The following CEP164 variants were observed in gnomAD, a reference collection of about 807,000 sequenced individuals.
CEP164 encodes the protein centrosomal protein of 164 kDa.
In CEP164, 162 loss-of-function variants were observed where a neutral mutation model predicts 182.7. That is an observed-to-expected ratio of 0.89 (90% CI 0.78 to 1.01). The LOEUF (loss-of-function observed/expected upper bound fraction) is 1.01, where lower values mean the gene tolerates loss of function less well. Among genes scored for constraint, CEP164 ranks in the 50% least tolerant of loss-of-function variants. The pLI is 0.00. For synonymous variants in CEP164, 661 were observed against 690.0 expected, an observed-to-expected ratio of 0.96 and a Z score of 0.66; for missense variants, 1,735 against 1,790.4, an observed-to-expected ratio of 0.97 and a Z score of 0.56.
At chr11:117,356,046 G>A in intron 5 of CEP164, 1 of 1,125,118 alleles carries the variant, frequency 8.9e-7, no homozygotes, top group Non-Finnish European at 1.1e-6. Flanking sequence ...TCACACCTGG[G>A]CTCTCCTGTC....
At chr11:117,410,062 T>C in intron 30 of CEP164, 97 bp downstream of exon 30, 1 of 1,171,054 alleles carries the variant, frequency 8.5e-7, no homozygotes, top group East Asian at 2.5e-5. Context: ...TTTTCTCCTC[T>C]TCCTCTTTTG....
chr11:117,371,041 C>T (rs1459259672), intron 8 of CEP164, 39 bp from the exon 9 acceptor site: 1 of 1,528,790 alleles, frequency 6.5e-7, no homozygotes, highest in Admixed American at 2.1e-5. Flanking sequence ...TTGCACATTC[C>T]TTTTGTCTTC....
chr11:117,336,309 C>A, intron 2 of CEP164: 3 of 1,513,824 alleles, frequency 2.0e-6, no homozygotes, highest in South Asian at 1.1e-5. Context: ...TATTCTGCAT[C>A]TTCTTGTCCG....
At chr11:117,367,567 C>T in intron 8 of CEP164, among the ~76,000 whole-genome samples, 1 of 152,170 alleles carries the variant, frequency 6.6e-6, no homozygotes, top group East Asian at 1.9e-4. Context: ...GGTACATGTG[C>T]ACAACGTGCA....
At chr11:117,397,566 T>A (rs2045641582) in intron 27 of CEP164, among the ~76,000 whole-genome samples, 1 of 152,092 alleles carries the variant, frequency 6.6e-6, no homozygotes, top group South Asian at 2.1e-4. Context: ...TACCTGAAAC[T>A]GGGAAGAAAA....
intron 1 of CEP164, among the ~76,000 whole-genome samples, chr11:117,322,207 C>T (rs530043381): frequency 6.6e-6 from 1 of 152,174 alleles, no homozygotes; most frequent in Non-Finnish European, 1.5e-5. Context: ...CCTCCACCTC[C>T]CAGGTTCAAG....
chr11:117,358,360 C>T (rs1332411463), intron 5 of CEP164, among the ~76,000 whole-genome samples: 1 of 152,048 alleles, frequency 6.6e-6, no homozygotes, highest in Non-Finnish European at 1.5e-5. Flanking sequence ...CCCTCAAGCC[C>T]CCAGCATGTT....
At chr11:117,325,935 A>C (rs1006339705), upstream of CEP164, among the ~76,000 whole-genome samples, 3 of 95,530 alleles carry the variant, frequency 3.1e-5, no homozygotes, top group Non-Finnish European at 5.9e-5. Context: ...TTTGAGACGG[A>C]GTGTCGCTCT....
intron 30 of CEP164, 145 bp from the exon 31 acceptor site, chr11:117,410,683 A>G (rs1337446405): frequency 3.4e-6 from 2 of 586,790 alleles, no homozygotes; most frequent in East Asian, 2.8e-5. Flanking sequence ...TAAAATAAAT[A>G]GGACCATTCC....
chr11:117,396,193 C>A lies in CEP164; in HGVS notation c.3216+13C>A. The A allele has an allele frequency of 2.0e-6, 1 of 506,178 alleles. No individual in the cohort carries two copies. Among genetic ancestry groups the A allele is most frequent in the Non-Finnish European group, 4.0e-6 (1 of 249,394 alleles). The allele number at this position is 506,178 out of a possible 1,614,324, so 31.4% of individuals were successfully genotyped here. On this transcript the variant is annotated intron_variant, in intron 25 of 32. Coordinates refer to ENST00000278935, the MANE Select transcript of CEP164 (RefSeq NM_014956.5). ...ATCCCTTGGAACAGTGAGCTGGGGGCTGGGGCCTGGGGGCTGGGGCACCAG... is the reference window on the plus strand; with the variant it reads ...ATCCCTTGGAACAGTGAGCTGGGGGATGGGGCCTGGGGGCTGGGGCACCAG...
chr11:117,349,327 A>G (rs998321698), intron 4 of CEP164, among the ~76,000 whole-genome samples: 2 of 152,032 alleles, frequency 1.3e-5, no homozygotes, highest in African/African-American at 4.8e-5. Flanking sequence ...TTATCTATCA[A>G]TGGACATTTG....
intron 4 of CEP164, among the ~76,000 whole-genome samples, chr11:117,349,169 C>T (rs923651864): frequency 2.0e-5 from 3 of 152,036 alleles, no homozygotes; most frequent in African/African-American, 4.8e-5. Context: ...ATTACAGGCA[C>T]GTGCCACCAT....
At chr11:117,336,060 G>A (rs1428453598) in intron 2 of CEP164, among the ~76,000 whole-genome samples, 1 of 151,878 alleles carries the variant, frequency 6.6e-6, no homozygotes, top group African/African-American at 2.4e-5. Context: ...TCCATTCAGG[G>A]CTCAACAGCA....
intron 13 of CEP164, among the ~76,000 whole-genome samples, chr11:117,382,469 G>T (rs1365111149): frequency 6.6e-6 from 1 of 152,172 alleles, no homozygotes; most frequent in Non-Finnish European, 1.5e-5. Flanking sequence ...GCTGGTCTTA[G>T]AATTCATTGG....
At chr11:117,337,510 T>TAAAAAAA (rs55864956) in intron 2 of CEP164, among the ~76,000 whole-genome samples, 278 of 128,880 alleles carry the variant, frequency 2.2e-3, no homozygotes, top group African/African-American at 7.2e-3. Flanking sequence ...ACCATCTCTG[T>TAAAAAAA]AAAAAAAAAA....
At position 117,373,965 on chromosome 11, in the gene CEP164, G is replaced by A. The variant is rs1372547944; in HGVS notation, c.1233+134G>A. On this transcript the variant is annotated intron_variant, in intron 10 of 32. Transcript: ENST00000278935. ...CGAACTCATGCTTGAGTCTTGTCTA[G>A]CTCCAGTTTCTCAACCCATTAACTA... 4.4e-6 allele frequency: 3 copies of A among 675,028 alleles called. No individual in the cohort carries two copies. In the Admixed American group the frequency reaches 7.9e-5, roughly 18 times the overall value. The allele number at this position is 675,028 out of a possible 1,614,324, so 41.8% of individuals were successfully genotyped here.
chr11:117,374,957 G>T (rs1040281114), intron 10 of CEP164, among the ~76,000 whole-genome samples: 2 of 152,230 alleles, frequency 1.3e-5, no homozygotes, highest in South Asian at 2.1e-4. Context: ...GGGTGGGATC[G>T]TGGGCCTGTG....
chr11:117,356,689 AC>A (rs2040334444), intron 5 of CEP164: 1 of 1,196,618 alleles, frequency 8.4e-7, no homozygotes, highest in Admixed American at 3.1e-5. Context: ...TTGATGTCTT[AC>A]CACAGCCATC....
chr11:117,402,377 T>A (rs900580529), intron 27 of CEP164, among the ~76,000 whole-genome samples: 1 of 152,198 alleles, frequency 6.6e-6, no homozygotes, highest in Non-Finnish European at 1.5e-5. Flanking sequence ...TGTGCCACCA[T>A]GCCTGGTTAA....
Sources: gnomAD v4.1 joint callset for allele counts (sites outside exome capture counted in the v4.1 genomes callset) on GRCh38, gnomAD v4.1.1 for gene constraint, MANE v1.5 for transcripts, NCBI Gene and HGNC (gene_info 2026-07-23, HGNC 2026-07-21) for gene names.